ACO1: variants seen among roughly 807,000 people sequenced by gnomAD.
ACO1 encodes aconitase 1.
Under a neutral mutation model 105.1 loss-of-function variants are expected in ACO1, and 78 were observed. The observed-to-expected ratio is 0.74, with a 90% CI of 0.62 to 0.90. ACO1 has a LOEUF of 0.90. Among genes scored for constraint, ACO1 ranks in the 40% least tolerant of loss-of-function variants. The pLI is 0.00. For missense variants in ACO1, 965 were observed against 1,111.1 expected, an observed-to-expected ratio of 0.87 and a Z score of 1.87; for synonymous variants, 364 against 397.4, an observed-to-expected ratio of 0.92 and a Z score of 1.00.
At chr9:32,403,119 G>C (rs1356068969) in intron 1 of ACO1, among the ~76,000 whole-genome samples, 4 of 152,188 alleles carry the variant, frequency 2.6e-5, no homozygotes, top group Admixed American at 1.3e-4. Flanking sequence ...GTCAGAACAG[G>C]GTGGCTGCAC....
At chr9:32,446,977 G>T (rs1822624181) in intron 19 of ACO1, among the ~76,000 whole-genome samples, 1 of 152,084 alleles carries the variant, frequency 6.6e-6, no homozygotes, top group South Asian at 2.1e-4. Context: ...TTCCCTTTGT[G>T]GGTAACCCGA....
At chr9:32,445,116 G>C (rs1822570055) in intron 19 of ACO1, among the ~76,000 whole-genome samples, 1 of 152,150 alleles carries the variant, frequency 6.6e-6, no homozygotes. Flanking sequence ...TCAGGATGAT[G>C]CTGGCCTCAT....
intron 1 of ACO1, among the ~76,000 whole-genome samples, chr9:32,398,350 A>G (rs567394650): frequency 6.6e-6 from 1 of 152,290 alleles, no homozygotes; most frequent in South Asian, 2.1e-4. Flanking sequence ...AAATCTAGCT[A>G]TGAGAGATAA....
At chr9:32,391,897 A>T (rs933237134) in intron 1 of ACO1, among the ~76,000 whole-genome samples, 1 of 152,218 alleles carries the variant, frequency 6.6e-6, no homozygotes, top group Non-Finnish European at 1.5e-5. Context: ...ATTTTGTATT[A>T]ACGGCAGAAT....
At chr9:32,394,084 T>C (rs951902166) in intron 1 of ACO1, among the ~76,000 whole-genome samples, 6 of 152,204 alleles carry the variant, frequency 3.9e-5, no homozygotes, top group Non-Finnish European at 7.4e-5. Context: ...CTCCCCAACA[T>C]GTACCCTGTA....
At chr9:32,432,774 T>C (rs1020281076) in intron 15 of ACO1, among the ~76,000 whole-genome samples, 1 of 152,200 alleles carries the variant, frequency 6.6e-6, no homozygotes, top group Non-Finnish European at 1.5e-5. Context: ...GCAATAGATA[T>C]AGTGAGTTGA....
At chr9:32,441,150 C>G (rs1245219955) in intron 19 of ACO1, among the ~76,000 whole-genome samples, 1 of 152,176 alleles carries the variant, frequency 6.6e-6, no homozygotes, top group Non-Finnish European at 1.5e-5. Flanking sequence ...TGCTTATGGG[C>G]TCTCGATGAG....
intron 1 of ACO1, among the ~76,000 whole-genome samples, chr9:32,398,439 G>A (rs926421237): frequency 6.6e-6 from 1 of 152,088 alleles, no homozygotes; most frequent in African/African-American, 2.4e-5. Flanking sequence ...GGGCTGACGT[G>A]GTTTTCTAGC....
intron 16 of ACO1, among the ~76,000 whole-genome samples, 156 bp downstream of exon 16, chr9:32,433,988 G>C (rs1003714842): frequency 7.9e-5 from 12 of 152,130 alleles, no homozygotes; most frequent in African/African-American, 2.9e-4. Flanking sequence ...TTGGGAGGCT[G>C]GGATATTTGG....
chr9:32,448,824 A>AAGTCTTTTGTAAACCTGT, intron 19 of ACO1, 72 bp from the exon 20 acceptor site: 13 of 1,559,794 alleles, frequency 8.3e-6, no homozygotes, highest in Non-Finnish European at 1.1e-5. Flanking sequence ...CTCTCTCACA[A>AAGTCTTTTGTAAACCTGT]AGTCTTTTGT....
chr9:32,396,887 T>C (rs757057712), intron 1 of ACO1, among the ~76,000 whole-genome samples: 4 of 152,204 alleles, frequency 2.6e-5, no homozygotes, highest in Non-Finnish European at 5.9e-5. Flanking sequence ...GAAAGGACTT[T>C]TTAGATCGTT....
chr9:32,424,523 T>A (rs1170499486), intron 9 of ACO1, 26 bp from the exon 10 acceptor site: 1 of 1,504,136 alleles, frequency 6.6e-7, no homozygotes, highest in South Asian at 1.2e-5. Flanking sequence ...GTAAATTCTA[T>A]AATTTCTTTT....
intron 4 of ACO1, among the ~76,000 whole-genome samples, chr9:32,411,351 C>T (rs965646434): frequency 1.3e-5 from 2 of 152,130 alleles, no homozygotes; most frequent in African/African-American, 4.8e-5. Flanking sequence ...GGGAGCAGTT[C>T]TTATGAATGT....
chr9:32,436,082 G>GA, intron 17 of ACO1, 168 bp from the exon 18 acceptor site: 1 of 863,712 alleles, frequency 1.2e-6, no homozygotes, highest in African/African-American at 1.7e-5. Context: ...CTTCTCCGTT[G>GA]AAGCTTTGGG....
chr9:32,429,923 C>A (rs1367746187), intron 13 of ACO1, among the ~76,000 whole-genome samples: 1 of 152,134 alleles, frequency 6.6e-6, no homozygotes, highest in Admixed American at 6.5e-5. Context: ...TACTTTTGCA[C>A]CAACCCAAAT....
chr9:32,388,123 C>G (rs1312190488), intron 1 of ACO1, among the ~76,000 whole-genome samples: 1 of 152,130 alleles, frequency 6.6e-6, no homozygotes, highest in Non-Finnish European at 1.5e-5. Flanking sequence ...AGATGTTATG[C>G]TAGAATGGAT....
At chr9:32,398,414 G>C (rs1020235429) in intron 1 of ACO1, among the ~76,000 whole-genome samples, 1 of 152,152 alleles carries the variant, frequency 6.6e-6, no homozygotes, top group African/African-American at 2.4e-5. Flanking sequence ...CTCCCTGTCA[G>C]CTGGGTGGGT....
chr9:32,440,207 G>A lies in ACO1; in HGVS notation c.2248-258G>A, dbSNP rs1822445618. Among the ~76,000 whole-genome samples the A allele has an allele frequency of 2.0e-5, 3 of 151,856 alleles. No individual in the cohort carries two copies. In the South Asian group the frequency reaches 6.2e-4, roughly 31 times the overall value. On this transcript the variant is annotated intron_variant, in intron 18 of 20. Coordinates refer to ENST00000309951, the MANE Select transcript of ACO1 (RefSeq NM_002197.3). The stretch of plus-strand genomic sequence containing the variant: ...AATTGAAACCCGGGAGGTGGAGGTT[G>A]CAGTGAGCTGAGATCGTGCCACTGC...
intron 10 of ACO1, 124 bp downstream of exon 10, chr9:32,424,789 T>A: frequency 1.4e-6 from 1 of 695,662 alleles, no homozygotes; most frequent in Non-Finnish European, 2.5e-6. Flanking sequence ...GGGTGTTTAT[T>A]CTTCCTTCTG....
Sources: gnomAD v4.1 joint callset for allele counts (sites outside exome capture counted in the v4.1 genomes callset) on GRCh38, gnomAD v4.1.1 for gene constraint, MANE v1.5 for transcripts, NCBI Gene and HGNC (gene_info 2026-07-23, HGNC 2026-07-21) for gene names.